DENND1A: variants seen among roughly 807,000 people sequenced by gnomAD.
DENND1A encodes the protein DENN domain containing 1A.
A neutral mutation model predicts 113.7 loss-of-function variants in DENND1A; 51 were observed. The ratio of observed to expected loss-of-function variants is 0.45; its 90% CI spans 0.36 to 0.57. DENND1A has a LOEUF of 0.57. Among genes scored for constraint, DENND1A ranks in the 20% least tolerant of loss-of-function variants. The pLI is 0.00. For missense variants in DENND1A, 1,258 were observed against 1,395.9 expected (o/e 0.90, Z 1.57); for synonymous variants, 565 against 570.8 (o/e 0.99, Z 0.14).
chr9:123,414,334 C>G, intron 19 of DENND1A: 1 of 1,412,196 alleles, frequency 7.1e-7, no homozygotes, highest in Non-Finnish European at 9.2e-7. Flanking sequence ...CAGCAGGTTT[C>G]CCTGCCTCCA....
At chr9:123,413,582 G>A in intron 19 of DENND1A, 1 of 985,518 alleles carries the variant, frequency 1.0e-6, no homozygotes, top group Non-Finnish European at 1.2e-6. Context: ...GCAGCCTGAG[G>A]GGAAAGCGGG....
At chr9:123,928,001 G>A (rs1021018735) in intron 1 of DENND1A, among the ~76,000 whole-genome samples, 4 of 152,034 alleles carry the variant, frequency 2.6e-5, no homozygotes, top group Admixed American at 6.5e-5. Flanking sequence ...ATTCTCTTTC[G>A]GTTTCACCAC....
At chr9:123,763,907 G>A (rs1422723716) in intron 4 of DENND1A, among the ~76,000 whole-genome samples, 1 of 152,122 alleles carries the variant, frequency 6.6e-6, no homozygotes, top group East Asian at 1.9e-4. Flanking sequence ...GTTGAAGTGT[G>A]TAGATAACTC....
At chr9:123,660,694 AT>A (rs1430610471) in intron 8 of DENND1A, among the ~76,000 whole-genome samples, 1 of 152,246 alleles carries the variant, frequency 6.6e-6, no homozygotes, top group African/African-American at 2.4e-5. Context: ...TTAAACATAC[AT>A]TTATCTTTTC....
intron 1 of DENND1A, among the ~76,000 whole-genome samples, chr9:123,929,591 C>G (rs1266171074): frequency 6.6e-6 from 1 of 152,116 alleles, no homozygotes; most frequent in Non-Finnish European, 1.5e-5. Context: ...AGTTGAAGGA[C>G]CATTTTCAGG....
At chr9:123,914,560 A>G (rs941018723) in intron 1 of DENND1A, among the ~76,000 whole-genome samples, 15 of 151,406 alleles carry the variant, frequency 9.9e-5, no homozygotes, top group Non-Finnish European at 1.5e-4. Flanking sequence ...AAAAAAAAAA[A>G]AAAGAAATAC....
chr9:123,776,460 G>A (rs1830487189), intron 3 of DENND1A, among the ~76,000 whole-genome samples: 1 of 152,114 alleles, frequency 6.6e-6, no homozygotes, highest in African/African-American at 2.4e-5. Context: ...TTTAAATCAT[G>A]GGTGGCTATA....
At chr9:123,815,113 C>G (rs1451321303) in intron 2 of DENND1A, among the ~76,000 whole-genome samples, 6 of 152,184 alleles carry the variant, frequency 3.9e-5, no homozygotes, top group African/African-American at 1.4e-4. Flanking sequence ...TTAAATCTTA[C>G]TCAAACTGTG....
At chr9:123,552,002 CGAGAGA>C (rs1190191759) in intron 13 of DENND1A, among the ~76,000 whole-genome samples, 1 of 107,096 alleles carries the variant, frequency 9.3e-6, no homozygotes, top group Admixed American at 9.0e-5. Context: ...CGAGAGAGAG[CGAGAGA>C]GAGCGAGAGC....
intron 11 of DENND1A, among the ~76,000 whole-genome samples, chr9:123,608,747 A>G (rs568826562): frequency 1.3e-5 from 2 of 152,376 alleles, no homozygotes; most frequent in African/African-American, 2.4e-5. Context: ...AATGCTATTT[A>G]TAATAGTGAA....
intron 13 of DENND1A, among the ~76,000 whole-genome samples, chr9:123,552,228 C>G (rs1350202333): frequency 1.3e-5 from 2 of 152,178 alleles, no homozygotes; most frequent in Non-Finnish European, 2.9e-5. Flanking sequence ...CCCCAACGGG[C>G]TCCAGACTGG....
chr9:123,577,344 T>C (rs951270312), intron 12 of DENND1A, among the ~76,000 whole-genome samples: 1 of 152,196 alleles, frequency 6.6e-6, no homozygotes, highest in Non-Finnish European at 1.5e-5. Flanking sequence ...ATATCTTCCA[T>C]TTCTCCCTTC....
At chr9:123,848,692 G>A (rs974776354) in intron 2 of DENND1A, among the ~76,000 whole-genome samples, 1 of 152,194 alleles carries the variant, frequency 6.6e-6, no homozygotes, top group Non-Finnish European at 1.5e-5. Context: ...AGTCAAGATA[G>A]GCTCAAAGTT....
intron 13 of DENND1A, among the ~76,000 whole-genome samples, chr9:123,460,931 A>AT (rs1274280195): frequency 6.6e-6 from 1 of 152,220 alleles, no homozygotes; most frequent in Non-Finnish European, 1.5e-5. Context: ...TTTGTTCAAC[A>AT]TTGTGCACCT....
At chr9:123,620,250 G>GA (rs942536081) in intron 10 of DENND1A, among the ~76,000 whole-genome samples, 4 of 118,446 alleles carry the variant, frequency 3.4e-5, no homozygotes, top group Non-Finnish European at 5.3e-5. Flanking sequence ...AAAAGAAAAA[G>GA]AAAAAAAGGA....
At chr9:123,912,886 T>C (rs1229102324) in intron 1 of DENND1A, among the ~76,000 whole-genome samples, 4 of 151,908 alleles carry the variant, frequency 2.6e-5, no homozygotes, top group Non-Finnish European at 1.5e-5. Context: ...GAGTCCCCAG[T>C]GGGAGCAAGA....
chr9:123,462,518 C>A (rs2048611066), intron 13 of DENND1A, among the ~76,000 whole-genome samples: 2 of 152,196 alleles, frequency 1.3e-5, no homozygotes, highest in African/African-American at 4.8e-5. Flanking sequence ...GAACCCTGGC[C>A]AGGCACGGTG....
chr9:123,578,402 C>A (rs1418639486), intron 12 of DENND1A, among the ~76,000 whole-genome samples: 1 of 152,168 alleles, frequency 6.6e-6, no homozygotes, highest in East Asian at 1.9e-4. Context: ...GAGGATTAAT[C>A]CAGTTCCAAT....
At chr9:123,590,908 C>G (rs771952201) in intron 11 of DENND1A, among the ~76,000 whole-genome samples, 10 of 152,112 alleles carry the variant, frequency 6.6e-5, no homozygotes, top group Non-Finnish European at 1.5e-4. Context: ...TGAATGAATG[C>G]CACGCTACAA....
Sources: allele counts gnomAD v4.1 joint callset (sites outside exome capture counted in the v4.1 genomes callset), GRCh38; gene constraint gnomAD v4.1.1; transcripts MANE v1.5; gene names NCBI Gene and HGNC (gene_info 2026-07-23, HGNC 2026-07-21).